ZNF516: variants seen among roughly 807,000 people sequenced by gnomAD.
The protein encoded by ZNF516 is zinc finger protein 516.
Under a neutral mutation model 79.7 loss-of-function variants are expected in ZNF516, and 19 were observed. The observed-to-expected ratio is 0.24, with a 90% CI of 0.17 to 0.35. ZNF516 has a LOEUF of 0.35. Ranked by LOEUF, ZNF516 falls within the 10% of genes least tolerant of loss-of-function variation. ZNF516 has a pLI of 1.00. For missense variants in ZNF516, 1,678 were observed against 1,679.5 expected (o/e 1.00, Z 0.02); for synonymous variants, 877 against 739.5 (o/e 1.19, Z -3.02).
intron 3 of ZNF516, among the ~76,000 whole-genome samples, chr18:76,414,676 A>AAGAT: frequency 6.6e-6 from 1 of 152,404 alleles, no homozygotes; most frequent in South Asian, 2.1e-4. Context: ...AATTATGTGA[A>AAGAT]AGATAAACCA....
At chr18:76,370,734 C>T in intron 5 of ZNF516, 139 bp from the exon 6 acceptor site, 3 of 658,060 alleles carry the variant, frequency 4.6e-6, no homozygotes, top group South Asian at 2.7e-5. Flanking sequence ...ACCAATTTAC[C>T]GTAACACTTA....
intron 4 of ZNF516, among the ~76,000 whole-genome samples, chr18:76,374,177 G>A (rs776831980): frequency 1.7e-4 from 26 of 152,122 alleles, no homozygotes; most frequent in Non-Finnish European, 2.6e-4. Flanking sequence ...GACTTTTTTA[G>A]GTCCCAATAA....
chr18:76,428,748 AG>A (rs2075626538), intron 3 of ZNF516, among the ~76,000 whole-genome samples: 1 of 152,284 alleles, frequency 6.6e-6, no homozygotes, highest in Non-Finnish European at 1.5e-5. Flanking sequence ...GTAAACTCTC[AG>A]GAAGAGGTGA....
At position 76,370,602 on chromosome 18, in the gene ZNF516, G is replaced by C. The variant is rs765227849; in HGVS notation, c.3365-7C>G. On this transcript the variant is annotated splice_region_variant and splice_polypyrimidine_tract_variant and intron_variant, in intron 5 of 6. Coordinates refer to ENST00000443185, the MANE Select transcript of ZNF516 (RefSeq NM_014643.4). ...CCATCGGACTCAAACACCACTGTGGGAACAAGGGGTTTGTTAACAGATCAG... is the reference window on the plus strand; with the variant it reads ...CCATCGGACTCAAACACCACTGTGGCAACAAGGGGTTTGTTAACAGATCAG... The C allele has an allele frequency of 1.3e-6, 2 of 1,594,760 alleles. No individual in the cohort carries two copies. Among genetic ancestry groups the C allele is most frequent in the South Asian group, 2.3e-5 (2 of 87,744 alleles).
chr18:76,404,451 G>A (rs946892682), intron 3 of ZNF516, among the ~76,000 whole-genome samples: 7 of 152,164 alleles, frequency 4.6e-5, no homozygotes, highest in African/African-American at 1.7e-4. Flanking sequence ...GTGTGCATGT[G>A]TGTGAGCAAG....
intron 3 of ZNF516, among the ~76,000 whole-genome samples, chr18:76,438,079 A>C (rs1599089098): frequency 6.6e-6 from 1 of 152,370 alleles, no homozygotes; most frequent in East Asian, 1.9e-4. Flanking sequence ...ATGCAGCTCA[A>C]CGGGGCACCG....
chr18:76,413,628 C>T (rs569707824), intron 3 of ZNF516, among the ~76,000 whole-genome samples: 2 of 152,288 alleles, frequency 1.3e-5, no homozygotes, highest in Non-Finnish European at 2.9e-5. Flanking sequence ...CACACCTTAA[C>T]GCCCACCCCC....
At chr18:76,458,773 G>A (rs1368316402) in intron 2 of ZNF516, among the ~76,000 whole-genome samples, 10 of 132,560 alleles carry the variant, frequency 7.5e-5, no homozygotes, top group East Asian at 2.1e-4. Flanking sequence ...TGTGTGCCTC[G>A]TGTGCGTGCC....
chr18:76,361,769 C>A lies in ZNF516; in HGVS notation c.*729G>T, dbSNP rs1305368509. ...TAGCTCTCTTCCGAGGCGGAATCTA[C>A]GCATTCCCACAGACGTGTCTCCTTT... is the stretch of plus-strand genomic sequence containing the variant. On this transcript the variant is annotated 3_prime_UTR_variant, in exon 7 of 7. Coordinates refer to ENST00000443185, the MANE Select transcript of ZNF516 (RefSeq NM_014643.4). 6.6e-6 allele frequency: 1 copy of A among 152,228 alleles called. No homozygotes were observed. Among genetic ancestry groups the A allele is most frequent in the African/African-American group, 2.4e-5 (1 of 41,458 alleles). 9.4% of individuals were successfully genotyped at this position (152,228 alleles called of 1,614,324 possible).
At chr18:76,420,790 A>C (rs1006276621) in intron 3 of ZNF516, among the ~76,000 whole-genome samples, 1 of 152,214 alleles carries the variant, frequency 6.6e-6, no homozygotes, top group Non-Finnish European at 1.5e-5. Flanking sequence ...CAAAAGTAAA[A>C]ATGTACTTTC....
chr18:76,458,727 G>T (rs1185258306), intron 2 of ZNF516, among the ~76,000 whole-genome samples: 1 of 142,632 alleles, frequency 7.0e-6, no homozygotes, highest in East Asian at 2.0e-4. Context: ...GCGTGTGCAT[G>T]CCTGTAGGCA....
chr18:76,371,594 G>A (rs772898442), intron 4 of ZNF516, 23 bp from the exon 5 acceptor site: 5 of 1,600,420 alleles, frequency 3.1e-6, no homozygotes, highest in Non-Finnish European at 4.3e-6. Context: ...GGTGGTGGTG[G>A]TGGCAGGGCC....
intron 2 of ZNF516, among the ~76,000 whole-genome samples, chr18:76,457,958 T>C (rs147643847): frequency 1.3e-5 from 2 of 152,276 alleles, no homozygotes; most frequent in East Asian, 3.9e-4. Flanking sequence ...ATAAGCTTCT[T>C]CTCACCTTCA....
At chr18:76,390,630 G>C (rs979574905) in intron 3 of ZNF516, among the ~76,000 whole-genome samples, 2 of 152,200 alleles carry the variant, frequency 1.3e-5, no homozygotes, top group Admixed American at 6.5e-5. Context: ...AGTCTCCGAG[G>C]AAACGAGGGG....
At chr18:76,369,004 G>A (rs990123862) in intron 6 of ZNF516, among the ~76,000 whole-genome samples, 4 of 152,156 alleles carry the variant, frequency 2.6e-5, no homozygotes, top group African/African-American at 9.7e-5. Flanking sequence ...CTACCCAAAA[G>A]CCAGGTCTTT....
chr18:76,427,119 G>C (rs762506327), intron 3 of ZNF516, among the ~76,000 whole-genome samples: 7 of 152,222 alleles, frequency 4.6e-5, no homozygotes, highest in Non-Finnish European at 7.3e-5. Context: ...CAAGTTCCTA[G>C]CCTTCATTTC....
At chr18:76,391,950 G>A (rs950291426) in intron 3 of ZNF516, among the ~76,000 whole-genome samples, 7 of 152,088 alleles carry the variant, frequency 4.6e-5, no homozygotes, top group Non-Finnish European at 1.0e-4. Flanking sequence ...GCAGGGGAAC[G>A]TGACACTCAA....
rs535207611 is a variant in ZNF516 at position 76,456,018 on chromosome 18, C to T, written c.-158+7010G>A. Among the ~76,000 whole-genome samples, 23 of 152,296 alleles carry T rather than the reference C, an allele frequency of 1.5e-4. No homozygotes were observed. The South Asian group carries it at 3.5e-3, about 23-fold the overall frequency. ...ACTGGGCTCGGCATCCTCAAACAGT[C>T]AGGTATCGTCTGTAACTCAAGGAGG... On this transcript the variant is annotated intron_variant, in intron 2 of 6. Transcript: ENST00000443185.
intron 3 of ZNF516, among the ~76,000 whole-genome samples, chr18:76,396,651 A>G (rs2075150184): frequency 6.6e-6 from 1 of 152,156 alleles, no homozygotes. Context: ...TGAATTTCTA[A>G]GACAATCAAA....
Sources: allele counts gnomAD v4.1 joint callset (sites outside exome capture counted in the v4.1 genomes callset), GRCh38; gene constraint gnomAD v4.1.1; transcripts MANE v1.5; gene names NCBI Gene and HGNC (gene_info 2026-07-23, HGNC 2026-07-21).